Variants in MTA3 observed in about 807,000 individuals in gnomAD.
MTA3 encodes metastasis associated 1 family member 3, also known as metastasis-associated protein MTA3.
Under a neutral mutation model 83.5 loss-of-function variants are expected in MTA3, and 34 were observed. The observed-to-expected ratio is 0.41, with a 90% CI of 0.31 to 0.54. The LOEUF is 0.54. Ranked by LOEUF, MTA3 falls within the 20% of genes least tolerant of loss-of-function variation. The pLI, the probability that MTA3 is intolerant of heterozygous loss-of-function variation, is 0.33. For synonymous variants in MTA3, 303 were observed against 252.7 expected (o/e 1.20, Z -1.89); for missense variants, 761 against 726.4 (o/e 1.05, Z -0.55).
intron 2 of MTA3, among the ~76,000 whole-genome samples, chr2:42,509,782 A>G (rs1674811623): frequency 6.6e-6 from 1 of 152,026 alleles, no homozygotes; most frequent in Admixed American, 6.6e-5. Context: ...AAAAACAAAA[A>G]CAAAACAAAA....
chr2:42,641,896 T>G (rs984361699), intron 5 of MTA3, among the ~76,000 whole-genome samples: 2 of 151,050 alleles, frequency 1.3e-5, no homozygotes, highest in African/African-American at 4.9e-5. Flanking sequence ...TGGAGAGGGA[T>G]GAGGATTGAA....
chr2:42,538,937 G>A (rs1676394942), intron 2 of MTA3, among the ~76,000 whole-genome samples: 1 of 149,694 alleles, frequency 6.7e-6, no homozygotes, highest in African/African-American at 2.5e-5. Flanking sequence ...ACCGTGCCCG[G>A]CTAATTTTTT....
intron 2 of MTA3, among the ~76,000 whole-genome samples, chr2:42,544,428 G>A (rs937823554): frequency 6.6e-6 from 1 of 150,520 alleles, no homozygotes; most frequent in Admixed American, 6.6e-5. Flanking sequence ...TGCCAGCTTG[G>A]GCAACAGAGC....
intron 8 of MTA3, among the ~76,000 whole-genome samples, chr2:42,667,578 G>GTGTGTATGTGTGTGTGTT (rs1690355080): frequency 7.7e-6 from 1 of 129,812 alleles, no homozygotes; most frequent in African/African-American, 2.9e-5. Flanking sequence ...AATTGTGTGT[G>GTGTGTATGTGTGTGTGTT]TGTGTGTGTG....
In MTA3 at chr2:42,755,693, G is replaced by A; in HGVS notation, c.*2294G>A. The A allele has an allele frequency of 1.0e-6, 1 of 985,562 alleles. No homozygotes were observed. Among genetic ancestry groups the A allele is most frequent in the African/African-American group, 1.7e-5 (1 of 57,364 alleles). The allele number at this position is 985,562 out of a possible 1,614,324, so 61.1% of individuals were successfully genotyped here. ...GTGCCTTTGCCGTTGGAAGCATTTG[G>A]TGCTGAGAGGGTTTCCCAGCCACCC... On this transcript the variant is annotated 3_prime_UTR_variant, in exon 17 of 17. Coordinates refer to ENST00000405094, the MANE Select transcript of MTA3 (RefSeq NM_001330442.2).
At chr2:42,580,698 C>T (rs535290026) in intron 3 of MTA3, among the ~76,000 whole-genome samples, 2 of 152,086 alleles carry the variant, frequency 1.3e-5, no homozygotes, top group East Asian at 1.9e-4. Context: ...CAGCTTCAAG[C>T]GATTCTCCTG....
intron 2 of MTA3, among the ~76,000 whole-genome samples, chr2:42,559,002 G>T (rs1677535626): frequency 6.6e-6 from 1 of 151,908 alleles, no homozygotes. Context: ...TTGCCCCAGG[G>T]CTCAGGCCTC....
At chr2:42,615,708 C>CTTTTTT (rs1558503960) in intron 4 of MTA3, among the ~76,000 whole-genome samples, 4 of 56,870 alleles carry the variant, frequency 7.0e-5, no homozygotes, top group South Asian at 7.8e-4. Context: ...TGAATAATCT[C>CTTTTTT]TTCTTTTTTT....
chr2:42,655,491 C>G (rs1330534329), intron 6 of MTA3, among the ~76,000 whole-genome samples: 1 of 152,190 alleles, frequency 6.6e-6, no homozygotes, highest in African/African-American at 2.4e-5. Flanking sequence ...GAAATGATTT[C>G]TCTACTCTTC....
chr2:42,577,144 T>C (rs1282163841), intron 2 of MTA3, among the ~76,000 whole-genome samples: 4 of 132,862 alleles, frequency 3.0e-5, no homozygotes, highest in African/African-American at 1.2e-4. Context: ...AAAAATGAAC[T>C]CTTAATTGCT....
At chr2:42,671,882 T>A (rs1048515521) in intron 8 of MTA3, among the ~76,000 whole-genome samples, 2 of 152,150 alleles carry the variant, frequency 1.3e-5, no homozygotes, top group African/African-American at 4.8e-5. Context: ...CTGATGCTTG[T>A]CACATCAGAC....
intron 4 of MTA3, among the ~76,000 whole-genome samples, chr2:42,635,716 T>C (rs1420122129): frequency 6.6e-6 from 1 of 152,188 alleles, no homozygotes; most frequent in Non-Finnish European, 1.5e-5. Context: ...GCAATAATAC[T>C]GTTTGTTGAA....
chr2:42,510,311 GAA>G (rs1260439717), intron 2 of MTA3, among the ~76,000 whole-genome samples: 4,880 of 87,284 alleles, frequency 0.056, 99 homozygotes, highest in South Asian at 0.13. Context: ...GGGCGACTCA[GAA>G]AAAAAAAAAA....
chr2:42,713,470 G>GTATA (rs1666789569), intron 14 of MTA3, among the ~76,000 whole-genome samples: 1 of 152,022 alleles, frequency 6.6e-6, no homozygotes, highest in African/African-American at 2.4e-5. Context: ...GTGCCTTGTG[G>GTATA]TATAAGCCGA....
At chr2:42,651,360 T>G (rs1385563415) in intron 6 of MTA3, among the ~76,000 whole-genome samples, 1 of 152,218 alleles carries the variant, frequency 6.6e-6, no homozygotes, top group Non-Finnish European at 1.5e-5. Context: ...AGTAATAAAT[T>G]AGCTTGCTCA....
At chr2:42,577,642 A>G (rs1679204251) in intron 2 of MTA3, among the ~76,000 whole-genome samples, 1 of 151,940 alleles carries the variant, frequency 6.6e-6, no homozygotes, top group African/African-American at 2.4e-5. Context: ...CACCACACCC[A>G]GCTAATTTTT....
At chr2:42,548,846 A>ATATATATATTAT in intron 2 of MTA3, among the ~76,000 whole-genome samples, 1 of 15,064 alleles carries the variant, frequency 6.6e-5, no homozygotes, top group African/African-American at 2.6e-4. Flanking sequence ...ATATATATAT[A>ATATATATATTAT]ATATATATAT....
At chr2:42,738,430 C>T (rs1250397100) in intron 16 of MTA3, among the ~76,000 whole-genome samples, 1 of 152,240 alleles carries the variant, frequency 6.6e-6, no homozygotes, top group African/African-American at 2.4e-5. Flanking sequence ...ACACTTACCA[C>T]TTCCCCAGTC....
intron 9 of MTA3, among the ~76,000 whole-genome samples, chr2:42,687,985 C>A (rs2104451030): frequency 6.6e-6 from 1 of 152,340 alleles, no homozygotes; most frequent in African/African-American, 2.4e-5. Context: ...TCGCTACTGA[C>A]AAGGGTTTTT....
Sources: allele counts gnomAD v4.1 joint callset (sites outside exome capture counted in the v4.1 genomes callset), GRCh38; gene constraint gnomAD v4.1.1; transcripts MANE v1.5; gene names NCBI Gene and HGNC (gene_info 2026-07-23, HGNC 2026-07-21).